Variants in RNF121 observed in about 807,000 individuals in gnomAD.
The protein encoded by RNF121 is E3 ubiquitin ligase RNF121.
In RNF121, 21 loss-of-function variants were observed where a neutral mutation model predicts 46.5. The ratio of observed to expected loss-of-function variants is 0.45; its 90% confidence interval spans 0.32 to 0.65. The LOEUF is 0.65. Among genes scored for constraint, RNF121 ranks in the 30% least tolerant of loss-of-function variants. The pLI is 0.04. For missense variants in RNF121, 346 were observed against 416.0 expected, an observed-to-expected ratio of 0.83 and a Z score of 1.46; for synonymous variants, 139 against 144.7, an observed-to-expected ratio of 0.96 and a Z score of 0.28.
intron 1 of RNF121, among the ~76,000 whole-genome samples, chr11:71,934,149 TC>T (rs1953345119): frequency 1.3e-5 from 2 of 152,234 alleles, no homozygotes; most frequent in South Asian, 4.1e-4. Flanking sequence ...TGCTACCTTT[TC>T]CCCCTGCCTT....
In RNF121 at chr11:71,943,681, A is replaced by G. The variant is rs374164862; in HGVS notation, c.64-13546A>G. On this transcript the variant is annotated intron_variant, in intron 1 of 8. Coordinates refer to ENST00000361756, the MANE Select transcript of RNF121 (RefSeq NM_018320.5). ...AATAATTGCTATAATATGAAGAAGC[A>G]GAGATTTCAGGGAGCACCAAAAATG... is the stretch of plus-strand genomic sequence containing the variant. Among the ~76,000 whole-genome samples, 38 of 152,358 alleles carry G rather than the reference A, an allele frequency of 2.5e-4. 1 individual carries two copies. The South Asian group carries it at 7.5e-3, about 30-fold the overall frequency.
chr11:71,946,863 G>A (rs528743157), intron 1 of RNF121, among the ~76,000 whole-genome samples: 3 of 110,758 alleles, frequency 2.7e-5, no homozygotes, highest in South Asian at 6.8e-4. Context: ...CAGGTGCTCT[G>A]GCTCTTTTTT....
At chr11:71,992,626 A>G (rs1954885927) in intron 6 of RNF121, among the ~76,000 whole-genome samples, 1 of 152,198 alleles carries the variant, frequency 6.6e-6, no homozygotes, top group African/African-American at 2.4e-5. Flanking sequence ...TTTTGGACTT[A>G]GATATAGTTT....
intron 4 of RNF121, among the ~76,000 whole-genome samples, chr11:71,985,933 A>G (rs1954762672): frequency 6.6e-6 from 1 of 151,954 alleles, no homozygotes; most frequent in East Asian, 1.9e-4. Context: ...TCTCTAGCCA[A>G]AAAAAAACAA....
chr11:71,975,217 A>T (rs1954504229), intron 3 of RNF121, among the ~76,000 whole-genome samples: 2 of 152,226 alleles, frequency 1.3e-5, no homozygotes, highest in South Asian at 2.1e-4. Flanking sequence ...AATTCTGACT[A>T]AGGTGGTAAG....
intron 6 of RNF121, among the ~76,000 whole-genome samples, chr11:71,993,597 C>A (rs1954910036): frequency 6.6e-6 from 1 of 152,152 alleles, no homozygotes; most frequent in African/African-American, 2.4e-5. Context: ...ATTCATTCAT[C>A]TGTGGATAGG....
intron 7 of RNF121, 39 bp downstream of exon 7, chr11:71,994,891 A>G (rs766895501): frequency 2.5e-6 from 4 of 1,613,562 alleles, no homozygotes; most frequent in Non-Finnish European, 2.5e-6. Context: ...TCTCTCCTGC[A>G]ATCTGCACAC....
intron 1 of RNF121, among the ~76,000 whole-genome samples, chr11:71,951,291 G>A (rs1311728595): frequency 6.6e-6 from 1 of 151,922 alleles, no homozygotes; most frequent in African/African-American, 2.4e-5. Context: ...CATAGAGAGA[G>A]GTACCCTATT....
intron 3 of RNF121, among the ~76,000 whole-genome samples, chr11:71,979,824 T>G (rs1954608453): frequency 6.6e-6 from 1 of 152,178 alleles, no homozygotes; most frequent in South Asian, 2.1e-4. Flanking sequence ...GGAGTTTCTG[T>G]TTTTTTCTCA....
At chr11:71,976,748 A>C (rs73531955) in intron 3 of RNF121, among the ~76,000 whole-genome samples, 11,882 of 152,152 alleles carry the variant, frequency 0.078, 749 homozygotes, top group East Asian at 0.16. Flanking sequence ...TTTGTGGTCA[A>C]CTGAAACCCC....
At chr11:71,942,538 G>T (rs1464104559) in intron 1 of RNF121, among the ~76,000 whole-genome samples, 3 of 151,890 alleles carry the variant, frequency 2.0e-5, no homozygotes, top group Non-Finnish European at 4.4e-5. Context: ...TGAGGCGGGC[G>T]GATTACTTGA....
At chr11:71,977,112 T>G (rs1372342678) in intron 3 of RNF121, among the ~76,000 whole-genome samples, 1 of 152,216 alleles carries the variant, frequency 6.6e-6, no homozygotes, top group Non-Finnish European at 1.5e-5. Context: ...TCAAGCTGAT[T>G]GTTCTATTAG....
chr11:71,961,020 G>A (rs1954118795), intron 3 of RNF121, 129 bp downstream of exon 3: 1 of 1,019,820 alleles, frequency 9.8e-7, no homozygotes, highest in African/African-American at 1.6e-5. Flanking sequence ...CTTTATGTAT[G>A]AATGATGAAT....
intron 1 of RNF121, among the ~76,000 whole-genome samples, chr11:71,933,045 T>C (rs1172035272): frequency 6.6e-6 from 1 of 152,188 alleles, no homozygotes; most frequent in Non-Finnish European, 1.5e-5. Flanking sequence ...ATGCTTGAGA[T>C]GCTAGTAGGA....
chr11:71,960,569 C>A (rs1339610750), intron 2 of RNF121, among the ~76,000 whole-genome samples, 181 bp from the exon 3 acceptor site: 1 of 152,144 alleles, frequency 6.6e-6, no homozygotes, highest in Non-Finnish European at 1.5e-5. Context: ...AGCCTGTATT[C>A]TATCTCGACA....
intron 1 of RNF121, among the ~76,000 whole-genome samples, chr11:71,948,663 C>CTA (rs1953787986): frequency 1.3e-5 from 2 of 152,106 alleles, no homozygotes; most frequent in Admixed American, 1.3e-4. Context: ...CAAAGTGTGC[C>CTA]ACCCTTGTCA....
intron 4 of RNF121, among the ~76,000 whole-genome samples, chr11:71,985,909 A>G (rs539397364): frequency 5.9e-5 from 9 of 151,568 alleles, no homozygotes; most frequent in Non-Finnish European, 8.8e-5. Flanking sequence ...TCTGGGCAAC[A>G]TTGCAAGACC....
intron 2 of RNF121, among the ~76,000 whole-genome samples, chr11:71,959,285 T>C (rs1954070179): frequency 1.3e-5 from 2 of 152,208 alleles, no homozygotes; most frequent in African/African-American, 4.8e-5. Flanking sequence ...TACATTTTGT[T>C]ATGAAAAACT....
chr11:71,995,017 A>G (rs1269671408), intron 7 of RNF121, among the ~76,000 whole-genome samples, 165 bp downstream of exon 7: 2 of 152,064 alleles, frequency 1.3e-5, no homozygotes, highest in African/African-American at 4.8e-5. Flanking sequence ...GATCAGAGCC[A>G]CTCTTAGGTA....
Sources: gnomAD v4.1 joint callset for allele counts (sites outside exome capture counted in the v4.1 genomes callset) on GRCh38, gnomAD v4.1.1 for gene constraint, MANE v1.5 for transcripts, NCBI Gene and HGNC (gene_info 2026-07-23, HGNC 2026-07-21) for gene names.